The following NELL1 variants were observed in gnomAD, a reference collection of about 807,000 sequenced individuals.
NELL1 encodes protein kinase C-binding protein NELL1.
Under a neutral mutation model 107.4 loss-of-function variants are expected in NELL1, and 76 were observed. The ratio of observed to expected loss-of-function variants is 0.71; its 90% CI spans 0.59 to 0.86. The LOEUF is 0.86. NELL1 is among the 40% of genes least tolerant of loss of function. The pLI is 0.00. For missense variants in NELL1, 1,024 were observed against 1,005.5 expected (o/e 1.02, Z -0.25); for synonymous variants, 353 against 341.2 (o/e 1.03, Z -0.38).
chr11:20,672,033 AC>A (rs1853925963), intron 1 of NELL1, among the ~76,000 whole-genome samples: 1 of 152,196 alleles, frequency 6.6e-6, no homozygotes, highest in Non-Finnish European at 1.5e-5. Flanking sequence ...TCTCAATGTC[AC>A]TTGGCACTAT....
intron 13 of NELL1, among the ~76,000 whole-genome samples, chr11:21,209,608 T>C (rs1273320367): frequency 6.6e-6 from 1 of 152,014 alleles, no homozygotes; most frequent in Non-Finnish European, 1.5e-5. Context: ...AAGATATAAT[T>C]TACATAGTAT....
At chr11:20,911,207 C>A (rs529452138) in intron 5 of NELL1, among the ~76,000 whole-genome samples, 1 of 152,312 alleles carries the variant, frequency 6.6e-6, no homozygotes, top group African/African-American at 2.4e-5. Flanking sequence ...CATTCAGAGA[C>A]TTGGACAATC....
intron 12 of NELL1, among the ~76,000 whole-genome samples, chr11:21,011,874 A>G (rs555634448): frequency 1.3e-5 from 2 of 152,282 alleles, no homozygotes; most frequent in East Asian, 3.9e-4. Flanking sequence ...TTAAATAAGC[A>G]TTCCACAAAT....
chr11:21,494,082 A>G (rs549394768), intron 15 of NELL1, among the ~76,000 whole-genome samples: 8 of 152,130 alleles, frequency 5.3e-5, no homozygotes, highest in Admixed American at 3.3e-4. Flanking sequence ...GATTTTTACC[A>G]AAGCCATTTA....
At chr11:21,433,398 A>T (rs1275668024) in intron 15 of NELL1, among the ~76,000 whole-genome samples, 1 of 152,152 alleles carries the variant, frequency 6.6e-6, no homozygotes, top group Non-Finnish European at 1.5e-5. Flanking sequence ...AATACCCAGT[A>T]TTGGGAATGC....
intron 14 of NELL1, among the ~76,000 whole-genome samples, chr11:21,321,539 T>C (rs1850010941): frequency 6.6e-6 from 1 of 152,158 alleles, no homozygotes; most frequent in African/African-American, 2.4e-5. Flanking sequence ...ATAACTGATA[T>C]AGAATAGGAG....
chr11:21,225,287 A>T (rs1426072811), intron 13 of NELL1, among the ~76,000 whole-genome samples: 1 of 152,152 alleles, frequency 6.6e-6, no homozygotes, highest in African/African-American at 2.4e-5. Flanking sequence ...TTTCCCTCTC[A>T]GGAAATATGA....
In NELL1 at chr11:21,182,630, AG is replaced by A. The variant is rs768822569; in HGVS notation, c.1427-46701del. ...TAGACTTTTCAGGTATCACAGAAAT[AG>A]CCTTTTCAGGAAGCAGCTACCTAGG... On this transcript the variant is annotated intron_variant, in intron 13 of 19. Transcript: ENST00000357134. Among the ~76,000 whole-genome samples the A allele has an allele frequency of 1.3e-4, 20 of 151,286 alleles. No homozygotes were observed. The East Asian group carries it at 3.3e-3, about 25-fold the overall frequency.
At chr11:20,679,594 A>T (rs11025691) in intron 2 of NELL1, among the ~76,000 whole-genome samples, 15,918 of 152,224 alleles carry the variant, frequency 0.1, 1,058 homozygotes, top group South Asian at 0.14. Context: ...TTAAAAGGGT[A>T]GACTGAATTA....
At chr11:21,358,565 A>ATTTTTTTTTT (rs75578174) in intron 14 of NELL1, among the ~76,000 whole-genome samples, 2 of 97,682 alleles carry the variant, frequency 2.0e-5, no homozygotes, top group Non-Finnish European at 4.0e-5. Context: ...TGCCCTGATA[A>ATTTTTTTTTT]TTTTTTTTTT....
chr11:20,708,599 A>G (rs1420881497), intron 2 of NELL1, among the ~76,000 whole-genome samples: 1 of 151,812 alleles, frequency 6.6e-6, no homozygotes, highest in African/African-American at 2.4e-5. Context: ...GATTTGCTTG[A>G]GTTCCTTGTA....
At chr11:21,117,807 C>A (rs1335148418) in intron 13 of NELL1, among the ~76,000 whole-genome samples, 2 of 151,884 alleles carry the variant, frequency 1.3e-5, no homozygotes, top group Non-Finnish European at 2.9e-5. Flanking sequence ...TCCTGGAGGC[C>A]CTCCATCAGC....
At chr11:20,693,888 C>T (rs1394122151) in intron 2 of NELL1, among the ~76,000 whole-genome samples, 1 of 152,200 alleles carries the variant, frequency 6.6e-6, no homozygotes, top group East Asian at 1.9e-4. Flanking sequence ...TGTTTTCCAA[C>T]TTGGTTCCAT....
intron 14 of NELL1, among the ~76,000 whole-genome samples, chr11:21,267,667 G>T (rs1848661946): frequency 6.6e-6 from 1 of 151,694 alleles, no homozygotes; most frequent in African/African-American, 2.4e-5. Flanking sequence ...CAGAAGAAAA[G>T]TTGAAAACCT....
At chr11:21,360,629 T>G (rs1255124287) in intron 14 of NELL1, among the ~76,000 whole-genome samples, 1 of 152,204 alleles carries the variant, frequency 6.6e-6, no homozygotes, top group African/African-American at 2.4e-5. Context: ...TCTACCTTAT[T>G]TCTTAGGTCT....
At chr11:21,255,545 G>A (rs1170572781) in intron 14 of NELL1, among the ~76,000 whole-genome samples, 2 of 152,108 alleles carry the variant, frequency 1.3e-5, no homozygotes, top group South Asian at 4.2e-4. Context: ...AACAACTTCA[G>A]TATAGCTCGA....
At chr11:21,051,836 G>A (rs977121707) in intron 12 of NELL1, among the ~76,000 whole-genome samples, 1 of 152,096 alleles carries the variant, frequency 6.6e-6, no homozygotes, top group Non-Finnish European at 1.5e-5. Flanking sequence ...CCAGGGAGGG[G>A]GCTGTAACAG....
At chr11:20,935,919 C>T (rs1850715107) in intron 9 of NELL1, 2 of 152,448 alleles carry the variant, frequency 1.3e-5, no homozygotes, top group African/African-American at 2.4e-5. Flanking sequence ...GGATGGATAC[C>T]CATGCCATTG....
chr11:20,714,256 T>C (rs1483646723), intron 2 of NELL1, among the ~76,000 whole-genome samples: 1 of 133,610 alleles, frequency 7.5e-6, no homozygotes, highest in Non-Finnish European at 1.5e-5. Flanking sequence ...CAGGCTGGAG[T>C]TCAGTGGTGC....
Sources: allele counts gnomAD v4.1 joint callset (sites outside exome capture counted in the v4.1 genomes callset), GRCh38; gene constraint gnomAD v4.1.1; transcripts MANE v1.5; gene names NCBI Gene and HGNC (gene_info 2026-07-23, HGNC 2026-07-21).